CCDC30: variants seen among roughly 807,000 people sequenced by gnomAD.
CCDC30 encodes the protein coiled-coil domain-containing protein 30.
A neutral mutation model predicts 100.2 loss-of-function variants in CCDC30; 70 were observed. The ratio of observed to expected loss-of-function variants is 0.70; its 90% CI spans 0.58 to 0.85. CCDC30 has a LOEUF of 0.85. CCDC30 is among the 40% of genes least tolerant of loss of function. CCDC30 has a pLI of 0.00. For synonymous variants in CCDC30, 233 were observed against 269.5 expected, an observed-to-expected ratio of 0.86 and a Z score of 1.33; for missense variants, 652 against 771.2, an observed-to-expected ratio of 0.85 and a Z score of 1.83.
At chr1:42,640,714 C>A (rs1027807200) in intron 12 of CCDC30, among the ~76,000 whole-genome samples, 2 of 151,802 alleles carry the variant, frequency 1.3e-5, no homozygotes, top group African/African-American at 4.8e-5. Context: ...ACCAACATGG[C>A]AAAACCCCAT....
At chr1:42,655,837 TTC>T (rs1329529870), downstream of CCDC30, among the ~76,000 whole-genome samples, 2 of 151,620 alleles carry the variant, frequency 1.3e-5, no homozygotes, top group Non-Finnish European at 2.9e-5. Context: ...AAATTAAACG[TTC>T]TCTTGTTTGG....
At chr1:42,516,905 G>T (rs930448464) in intron 6 of CCDC30, among the ~76,000 whole-genome samples, 2 of 152,080 alleles carry the variant, frequency 1.3e-5, no homozygotes, top group African/African-American at 4.8e-5. Context: ...TTAGTCATTT[G>T]TTTATCTTCT....
intron 10 of CCDC30, among the ~76,000 whole-genome samples, chr1:42,604,135 G>A (rs1390632978): frequency 6.6e-6 from 1 of 152,094 alleles, no homozygotes; most frequent in African/African-American, 2.4e-5. Flanking sequence ...GATCACTTGA[G>A]CCTAGGAATT....
intron 2 of CCDC30, among the ~76,000 whole-genome samples, chr1:42,482,363 A>G (rs1179005870): frequency 6.6e-6 from 1 of 152,214 alleles, no homozygotes; most frequent in Admixed American, 6.5e-5. Flanking sequence ...ATGTATATAA[A>G]TAAAAAATAC....
At chr1:42,574,941 A>G (rs985874904) in intron 7 of CCDC30, among the ~76,000 whole-genome samples, 117 of 152,284 alleles carry the variant, frequency 7.7e-4, no homozygotes, top group African/African-American at 2.7e-3. Flanking sequence ...TTGAGGCTTT[A>G]ATTGCTTTGT....
intron 10 of CCDC30, chr1:42,591,479 A>T (rs1188337990): frequency 2.0e-5 from 3 of 152,292 alleles, no homozygotes. Flanking sequence ...GGTGGCTTCC[A>T]TGTGGTACTA....
chr1:42,605,923 T>C (rs1646492699), intron 10 of CCDC30, among the ~76,000 whole-genome samples: 1 of 152,216 alleles, frequency 6.6e-6, no homozygotes, highest in African/African-American at 2.4e-5. Flanking sequence ...TTGGTCCACT[T>C]GTATGCAGAT....
At chr1:42,486,336 T>C (rs1478645988) in intron 3 of CCDC30, among the ~76,000 whole-genome samples, 3 of 152,150 alleles carry the variant, frequency 2.0e-5, no homozygotes, top group Non-Finnish European at 4.4e-5. Flanking sequence ...CTTATAACAG[T>C]CACAAGCATC....
intron 15 of CCDC30, among the ~76,000 whole-genome samples, chr1:42,648,258 A>G (rs1307852060): frequency 2.0e-5 from 3 of 152,142 alleles, no homozygotes; most frequent in African/African-American, 7.2e-5. Flanking sequence ...GAAGTTTATA[A>G]CAACAAACAC....
chr1:42,648,893 A>C (rs565935279), intron 15 of CCDC30, among the ~76,000 whole-genome samples: 1 of 152,296 alleles, frequency 6.6e-6, no homozygotes, highest in African/African-American at 2.4e-5. Context: ...AGAAATACAA[A>C]GAATCATTAG....
rs150423718 is a variant in CCDC30, at chr1:42,541,337, A to G, written c.457-24959A>G. ...ACCCTTGTGCATTAGTTACTTGCCA[A>G]TGTGTCCTCCTAATACCATCCCATT... is the stretch of plus-strand genomic sequence containing the variant. On this transcript the variant is annotated intron_variant, in intron 6 of 16. Coordinates refer to ENST00000668663, the Ensembl canonical transcript of CCDC30. Among the ~76,000 whole-genome samples, 345 of 152,344 alleles carry G rather than the reference A, an allele frequency of 2.3e-3. 2 individuals are homozygous for G. The highest frequency in any genetic ancestry group is 8.0e-3 in the African/African-American group (332 of 41,578).
At chr1:42,539,221 C>T in intron 6 of CCDC30, 1 of 1,608,926 alleles carries the variant, frequency 6.2e-7, no homozygotes, top group Non-Finnish European at 8.5e-7. Context: ...TAATGAAGTT[C>T]ACAATCTTCC....
the CCDC30 span, chr1:42,456,320 G>A: frequency 6.7e-6 from 4 of 598,900 alleles, no homozygotes; most frequent in Non-Finnish European, 1.2e-5. Flanking sequence ...GGAAACGAAC[G>A]TGAGGGAACG....
At chr1:42,579,668 CAAGGAAGA>C (rs1645920203) in intron 8 of CCDC30, among the ~76,000 whole-genome samples, 1 of 148,824 alleles carries the variant, frequency 6.7e-6, no homozygotes, top group Non-Finnish European at 1.5e-5. Flanking sequence ...GAGAGAGAAG[CAAGGAAGA>C]AAGGAAGGAA....
intron 6 of CCDC30, chr1:42,510,195 C>A: frequency 5.3e-6 from 4 of 756,812 alleles, no homozygotes; most frequent in South Asian, 6.0e-5. Context: ...GATGATTCCC[C>A]TGTTTCTTTA....
chr1:42,529,471 CAAAA>C (rs1051386398), intron 6 of CCDC30: 5 of 43,724 alleles, frequency 1.1e-4, no homozygotes, highest in Admixed American at 7.8e-4. Flanking sequence ...AACTCCATCT[CAAAA>C]TAAATAAATA....
chr1:42,576,056 C>T (rs546698522), intron 7 of CCDC30, among the ~76,000 whole-genome samples: 26 of 152,312 alleles, frequency 1.7e-4, no homozygotes, highest in African/African-American at 6.3e-4. Flanking sequence ...GTGTACAAAA[C>T]CAGGCAAGCT....
chr1:42,537,051 G>A, intron 6 of CCDC30: 1 of 375,060 alleles, frequency 2.7e-6, no homozygotes, highest in Non-Finnish European at 5.2e-6. Context: ...GGGAGGGAGA[G>A]CACAATTCAG....
chr1:42,473,166 A>G, intron 1 of CCDC30: 1 of 1,230,850 alleles, frequency 8.1e-7, no homozygotes, highest in Non-Finnish European at 1.0e-6. Flanking sequence ...TTGAAAAAGA[A>G]GAAATCAATC....
Sources: gnomAD v4.1 joint callset for allele counts (sites outside exome capture counted in the v4.1 genomes callset) on GRCh38, gnomAD v4.1.1 for gene constraint, MANE v1.5 for transcripts, NCBI Gene and HGNC (gene_info 2026-07-23, HGNC 2026-07-21) for gene names.